The following SOX6 variants were observed in gnomAD, a reference collection of about 807,000 sequenced individuals.
SOX6 encodes the protein transcription factor SOX-6.
In SOX6, 11 loss-of-function variants were observed where a neutral mutation model predicts 97.8. The ratio of observed to expected loss-of-function variants is 0.11; its 90% confidence interval spans 0.07 to 0.19. SOX6 has a LOEUF of 0.19. Among genes scored for constraint, SOX6 ranks in the 10% least tolerant of loss-of-function variants. The pLI is 1.00. For synonymous variants in SOX6, 360 were observed against 371.4 expected (o/e 0.97, Z 0.35); for missense variants, 810 against 1,039.5 (o/e 0.78, Z 3.04).
rs1378666056 is a variant in SOX6 at position 15,969,920 on chromosome 11, A to G, written c.*2889T>C. ...TGATCCAATGAAAAAGACGTTTACA[A>G]TCAGATCATTCCTGAATAGCCTTTC... On this transcript the variant is annotated 3_prime_UTR_variant, in exon 16 of 16. Coordinates refer to ENST00000683767, the MANE Select transcript of SOX6 (RefSeq NM_001367873.1). 4 of 152,254 alleles carry G rather than the reference A, an allele frequency of 2.6e-5. No individual in the cohort carries two copies. The highest frequency in any genetic ancestry group is 9.6e-5 in the African/African-American group (4 of 41,464). The allele number at this position is 152,254 out of a possible 1,614,324, so 9.4% of individuals were successfully genotyped here. A position where few individuals can be genotyped will look rare whatever the true frequency, so the allele number is the denominator to read the frequency against.
upstream of SOX6, among the ~76,000 whole-genome samples, chr11:16,358,881 C>T (rs1857134218): frequency 6.6e-6 from 1 of 152,080 alleles, no homozygotes; most frequent in African/African-American, 2.4e-5. Context: ...AGAGAAGTTG[C>T]CAGTTCTGTG....
intron 1 of SOX6, among the ~76,000 whole-genome samples, chr11:16,416,124 GCTTGTCACATGTA>G (rs1455343585): frequency 6.6e-6 from 1 of 152,114 alleles, no homozygotes; most frequent in Non-Finnish European, 1.5e-5. Context: ...GAGACAGTCT[GCTTGTCACATGTA>G]CCATGGTCAG....
intron 9 of SOX6, among the ~76,000 whole-genome samples, chr11:16,070,714 G>A (rs543222179): frequency 2.9e-4 from 44 of 152,068 alleles, no homozygotes; most frequent in African/African-American, 9.9e-4. Context: ...GCACCAGTCT[G>A]TCTGGGCTCA....
chr11:16,042,121 G>T (rs1267823549), intron 12 of SOX6, among the ~76,000 whole-genome samples: 29 of 152,142 alleles, frequency 1.9e-4, no homozygotes, highest in Admixed American at 1.9e-3. Flanking sequence ...AATGATCATT[G>T]AGACTCAGAG....
intron 4 of SOX6, among the ~76,000 whole-genome samples, chr11:16,553,949 A>G (rs1368697956): frequency 6.6e-6 from 1 of 152,134 alleles, no homozygotes; most frequent in African/African-American, 2.4e-5. Context: ...TATATGTTAC[A>G]GAGTATTTGA....
At chr11:16,329,610 C>T (rs1856219323) in intron 2 of SOX6, among the ~76,000 whole-genome samples, 1 of 152,086 alleles carries the variant, frequency 6.6e-6, no homozygotes, top group Non-Finnish European at 1.5e-5. Context: ...CCTTAATTTC[C>T]TTGTCTGCAA....
Position 16,326,437 on chromosome 11 carries a change from C to G in SOX6, c.238-7784G>C, listed in dbSNP as rs535983299. On this transcript the variant is annotated intron_variant, in intron 2 of 15. Coordinates refer to ENST00000683767, the MANE Select transcript of SOX6 (RefSeq NM_001367873.1). ...TCCCTCCATGTCACATAGGCAGGACCGGTAAAAATCTTTAACTGCAGGTTT... is the reference window on the plus strand; with the variant it reads ...TCCCTCCATGTCACATAGGCAGGACGGGTAAAAATCTTTAACTGCAGGTTT... Among the ~76,000 whole-genome samples, 15 of 151,968 alleles carry G rather than the reference C, an allele frequency of 9.9e-5. No homozygotes were observed. The South Asian group carries it at 1.0e-3, about 11-fold the overall frequency.
chr11:16,713,482 A>G (rs1395409474), intron 3 of SOX6, among the ~76,000 whole-genome samples: 1 of 152,258 alleles, frequency 6.6e-6, no homozygotes, highest in East Asian at 1.9e-4. Context: ...GCTATTGTGG[A>G]AACAATAAAT....
At chr11:16,244,066 G>A (rs944238238) in intron 3 of SOX6, among the ~76,000 whole-genome samples, 1 of 151,760 alleles carries the variant, frequency 6.6e-6, no homozygotes, top group Non-Finnish European at 1.5e-5. Context: ...GGAGCTATGT[G>A]CCTGACTTTA....
intron 9 of SOX6, among the ~76,000 whole-genome samples, chr11:16,093,122 C>T (rs1334391429): frequency 1.3e-5 from 2 of 151,974 alleles, no homozygotes; most frequent in Non-Finnish European, 2.9e-5. Flanking sequence ...TCTCTGTTCT[C>T]TAAAGGTCAA....
chr11:16,181,392 A>T (rs955690081), intron 6 of SOX6, among the ~76,000 whole-genome samples: 4 of 151,618 alleles, frequency 2.6e-5, no homozygotes, highest in African/African-American at 4.8e-5. Context: ...TTTGGGTTCA[A>T]ATGAGAAAGT....
At chr11:16,264,991 G>C (rs1198893276) in intron 3 of SOX6, 1 of 151,882 alleles carries the variant, frequency 6.6e-6, no homozygotes, top group Admixed American at 6.6e-5. Context: ...ACTGCCTGGA[G>C]AGAGTTTCCA....
At chr11:16,346,691 G>A (rs1356133448) in intron 1 of SOX6, among the ~76,000 whole-genome samples, 3 of 152,046 alleles carry the variant, frequency 2.0e-5, no homozygotes, top group Non-Finnish European at 2.9e-5. Context: ...ATCTTCTAGA[G>A]TTTGTAGCAG....
At chr11:16,000,857 TTTTA>T (rs1346324959) in intron 13 of SOX6, among the ~76,000 whole-genome samples, 1 of 152,048 alleles carries the variant, frequency 6.6e-6, no homozygotes, top group East Asian at 1.9e-4. Context: ...ATTTATTTTA[TTTTA>T]TTTATTTATT....
chr11:16,228,186 A>G (rs887450975), intron 4 of SOX6, among the ~76,000 whole-genome samples: 3 of 136,076 alleles, frequency 2.2e-5, no homozygotes, highest in Admixed American at 1.5e-4. Context: ...CGACAGAACA[A>G]GACCCCATCT....
chr11:16,279,084 C>A (rs901002473), intron 3 of SOX6, among the ~76,000 whole-genome samples: 8 of 152,056 alleles, frequency 5.3e-5, no homozygotes, highest in Non-Finnish European at 1.2e-4. Flanking sequence ...TTGATACTTT[C>A]ACAAGAATGC....
intron 7 of SOX6, among the ~76,000 whole-genome samples, chr11:16,111,025 AC>A (rs1374732495): frequency 6.6e-6 from 1 of 152,232 alleles, no homozygotes; most frequent in African/African-American, 2.4e-5. Context: ...GAGGTCACTT[AC>A]AAAGAATGCA....
At chr11:16,117,406 C>A (rs776046829) in intron 6 of SOX6, among the ~76,000 whole-genome samples, 1 of 151,902 alleles carries the variant, frequency 6.6e-6, no homozygotes, top group Non-Finnish European at 1.5e-5. Context: ...GCAAAGGCAA[C>A]GAGGGTCTAT....
chr11:16,478,609 A>G (rs1388976656), upstream of SOX6, among the ~76,000 whole-genome samples: 2 of 152,222 alleles, frequency 1.3e-5, no homozygotes, highest in Admixed American at 6.5e-5. Context: ...GCAAAGAATT[A>G]AAAAATAATA....
Sources: gnomAD v4.1 joint callset for allele counts (sites outside exome capture counted in the v4.1 genomes callset) on GRCh38, gnomAD v4.1.1 for gene constraint, MANE v1.5 for transcripts, NCBI Gene and HGNC (gene_info 2026-07-23, HGNC 2026-07-21) for gene names.